The following CAMTA1 variants were observed in gnomAD, a reference collection of about 807,000 sequenced individuals.
CAMTA1 encodes calmodulin binding transcription activator 1, also known as calmodulin-binding transcription activator 1.
CAMTA1 carries 27 observed loss-of-function variants against 170.9 expected under a neutral mutation model. The ratio of observed to expected loss-of-function variants is 0.16; its 90% confidence interval spans 0.12 to 0.22. CAMTA1 has a LOEUF of 0.22. Ranked by LOEUF, CAMTA1 falls within the 10% of genes least tolerant of loss-of-function variation. The pLI is 1.00. For synonymous variants in CAMTA1, 833 were observed against 891.5 expected, an observed-to-expected ratio of 0.93 and a Z score of 1.17; for missense variants, 1,619 against 2,217.2, an observed-to-expected ratio of 0.73 and a Z score of 5.42.
intron 12 of CAMTA1, among the ~76,000 whole-genome samples, chr1:7,735,808 G>C (rs900156546): frequency 6.6e-6 from 1 of 152,050 alleles, no homozygotes; most frequent in African/African-American, 2.4e-5. Context: ...GTCTTGCTCT[G>C]TCACCCAGGC....
intron 5 of CAMTA1, among the ~76,000 whole-genome samples, chr1:7,385,765 A>G (rs1372190863): frequency 6.6e-6 from 1 of 152,144 alleles, no homozygotes; most frequent in East Asian, 1.9e-4. Context: ...ACTTTCTCCC[A>G]AAGCTCAGCT....
At chr1:7,301,868 C>T (rs1458323820) in intron 5 of CAMTA1, among the ~76,000 whole-genome samples, 1 of 152,164 alleles carries the variant, frequency 6.6e-6, no homozygotes, top group Non-Finnish European at 1.5e-5. Context: ...AGCCAAGCTG[C>T]TCTGGGCTCT....
chr1:7,539,573 A>C (rs1172739296), intron 6 of CAMTA1, among the ~76,000 whole-genome samples: 3 of 152,222 alleles, frequency 2.0e-5, no homozygotes, highest in East Asian at 3.8e-4. Context: ...CGCCTCCTAG[A>C]GTTGTGCATT....
At chr1:7,272,046 T>C (rs1456591305) in intron 5 of CAMTA1, among the ~76,000 whole-genome samples, 1 of 151,772 alleles carries the variant, frequency 6.6e-6, no homozygotes, top group East Asian at 1.9e-4. Context: ...CACAAAATAT[T>C]CCAGAAAATA....
chr1:7,362,346 A>G (rs1486834831), intron 5 of CAMTA1, among the ~76,000 whole-genome samples: 1 of 152,122 alleles, frequency 6.6e-6, no homozygotes, highest in Non-Finnish European at 1.5e-5. Context: ...GGATTATTGG[A>G]CTTGGGTACA....
chr1:7,138,829 T>C lies in CAMTA1; in HGVS notation c.302+47458T>C, dbSNP rs140642230. Among the ~76,000 whole-genome samples the C allele has an allele frequency of 2.1e-3, 314 of 151,980 alleles. 3 individuals are homozygous for C. Among genetic ancestry groups the C allele is most frequent in the African/African-American group, 7.4e-3 (308 of 41,430 alleles). ...GGCCAACATGGTGAAACCCTGTGACTACTAAAAATACAAAAATTAGCTGGG... is the reference window on the plus strand; with the variant it reads ...GGCCAACATGGTGAAACCCTGTGACCACTAAAAATACAAAAATTAGCTGGG... On this transcript the variant is annotated intron_variant, in intron 4 of 22. Coordinates refer to ENST00000303635, the MANE Select transcript of CAMTA1 (RefSeq NM_015215.4).
chr1:7,604,026 C>T (rs2095467081), intron 6 of CAMTA1, among the ~76,000 whole-genome samples: 3 of 152,204 alleles, frequency 2.0e-5, no homozygotes, highest in Admixed American at 6.5e-5. Flanking sequence ...TCTCTTCTGG[C>T]TTGTAGAGTT....
chr1:7,381,148 T>A (rs1024248633), intron 5 of CAMTA1, among the ~76,000 whole-genome samples: 6 of 152,174 alleles, frequency 3.9e-5, no homozygotes, highest in South Asian at 4.2e-4. Flanking sequence ...TTTTTTTATT[T>A]TTTATTTATT....
intron 3 of CAMTA1, among the ~76,000 whole-genome samples, chr1:6,851,340 CAA>C (rs1030950345): frequency 2.0e-4 from 30 of 151,954 alleles, no homozygotes; most frequent in African/African-American, 6.5e-4. Context: ...AAGTAGAAAA[CAA>C]ATGTTCAGAA....
chr1:6,833,315 A>G (rs568304966), intron 3 of CAMTA1, among the ~76,000 whole-genome samples: 11 of 152,376 alleles, frequency 7.2e-5, no homozygotes, highest in Non-Finnish European at 1.3e-4. Flanking sequence ...TCAGTGTTCA[A>G]TAAATATTTG....
chr1:7,578,670 T>C (rs1284127244), intron 6 of CAMTA1, among the ~76,000 whole-genome samples: 1 of 152,116 alleles, frequency 6.6e-6, no homozygotes, highest in Non-Finnish European at 1.5e-5. Context: ...TGAGCAGAAA[T>C]GTATGAATCC....
intron 4 of CAMTA1, among the ~76,000 whole-genome samples, chr1:7,149,603 A>C (rs995003493): frequency 3.9e-5 from 6 of 152,128 alleles, no homozygotes; most frequent in African/African-American, 1.4e-4. Flanking sequence ...ATTTCCATGA[A>C]GGCGGAATGT....
At chr1:7,103,606 CAACT>C (rs1266790231) in intron 4 of CAMTA1, among the ~76,000 whole-genome samples, 3 of 113,942 alleles carry the variant, frequency 2.6e-5, no homozygotes, top group African/African-American at 1.1e-4. Context: ...CACATGTACA[CAACT>C]ACACACACGC....
intron 3 of CAMTA1, among the ~76,000 whole-genome samples, chr1:6,976,062 C>T (rs1249277960): frequency 6.6e-6 from 1 of 152,208 alleles, no homozygotes; most frequent in African/African-American, 2.4e-5. Context: ...GAGCCAGGCA[C>T]CAGGATGCCT....
intron 1 of CAMTA1, among the ~76,000 whole-genome samples, chr1:6,806,624 A>G (rs1644537460): frequency 6.6e-6 from 1 of 152,226 alleles, no homozygotes; most frequent in South Asian, 2.1e-4. Context: ...TTCAGGTTCT[A>G]AGAGAGCAAA....
chr1:7,012,483 C>G (rs563360058), intron 3 of CAMTA1, among the ~76,000 whole-genome samples: 1 of 152,240 alleles, frequency 6.6e-6, no homozygotes, highest in East Asian at 1.9e-4. Flanking sequence ...CACGATTTCT[C>G]CCATCTTAAA....
At chr1:7,344,022 T>C (rs1037291402) in intron 5 of CAMTA1, among the ~76,000 whole-genome samples, 17 of 152,238 alleles carry the variant, frequency 1.1e-4, no homozygotes, top group African/African-American at 3.9e-4. Flanking sequence ...GTCTGTCTCC[T>C]AGGAGACAGT....
intron 6 of CAMTA1, among the ~76,000 whole-genome samples, chr1:7,619,473 A>G (rs999365558): frequency 1.3e-5 from 2 of 152,108 alleles, no homozygotes; most frequent in Non-Finnish European, 2.9e-5. Flanking sequence ...AGCTCCTACC[A>G]GTGAAAAACC....
At chr1:7,411,529 CAAAAAAAAA>C (rs869078814) in intron 5 of CAMTA1, among the ~76,000 whole-genome samples, 15 of 67,200 alleles carry the variant, frequency 2.2e-4, no homozygotes, top group Non-Finnish European at 3.9e-4. Context: ...GACTCTGCCT[CAAAAAAAAA>C]AAAAAAAAAA....
Sources: allele counts gnomAD v4.1 joint callset (sites outside exome capture counted in the v4.1 genomes callset), GRCh38; gene constraint gnomAD v4.1.1; transcripts MANE v1.5; gene names NCBI Gene and HGNC (gene_info 2026-07-23, HGNC 2026-07-21).